The following BABAM2 variants were observed in gnomAD, a reference collection of about 807,000 sequenced individuals.
The protein encoded by BABAM2 is BRISC and BRCA1 A complex member 2.
In BABAM2, 31 loss-of-function variants were observed where a neutral mutation model predicts 54.7. The observed-to-expected ratio is 0.57, with a 90% CI of 0.43 to 0.77. The LOEUF is 0.77. Among genes scored for constraint, BABAM2 ranks in the 30% least tolerant of loss-of-function variants. BABAM2 has a pLI of 0.00. For synonymous variants in BABAM2, 167 were observed against 162.9 expected, an observed-to-expected ratio of 1.03 and a Z score of -0.19; for missense variants, 364 against 455.8, an observed-to-expected ratio of 0.80 and a Z score of 1.83.
intron 10 of BABAM2, among the ~76,000 whole-genome samples, chr2:28,260,395 G>A (rs1218617060): frequency 1.4e-5 from 2 of 144,522 alleles, no homozygotes; most frequent in Admixed American, 7.1e-5. Flanking sequence ...TCTGCCTCCC[G>A]GGTTCAGGTG....
At chr2:28,075,702 C>T (rs576762012) in intron 6 of BABAM2, among the ~76,000 whole-genome samples, 1 of 152,162 alleles carries the variant, frequency 6.6e-6, no homozygotes, top group African/African-American at 2.4e-5. Context: ...TGCTTAAATG[C>T]AGTATGCAGT....
rs1691678212 is a variant in BABAM2 at position 28,338,611 on chromosome 2, G to GGCA, written c.*101_*103dup. ...TGGAAGCCGCCTGGAATGTCTTCACGGCAGCGTTTTGCTCACACAGCAGCT... is the reference window on the plus strand; with the variant it reads ...TGGAAGCCGCCTGGAATGTCTTCACGGCAGCAGCGTTTTGCTCACACAGCAGCT... On this transcript the variant is annotated 3_prime_UTR_variant, in exon 12 of 12. Coordinates refer to ENST00000379624, the MANE Select transcript of BABAM2 (RefSeq NM_199191.3). 1 of 1,444,346 alleles carries GGCA rather than the reference G, an allele frequency of 6.9e-7. No homozygotes were observed. Among genetic ancestry groups the GGCA allele is most frequent in the Admixed American group, 1.7e-5 (1 of 58,880 alleles). 89.5% of individuals were successfully genotyped at this position (1,444,346 alleles called of 1,614,324 possible). A position where few individuals can be genotyped will look rare whatever the true frequency, so the allele number is the denominator to read the frequency against.
At chr2:27,924,735 AC>A (rs1196790288) in intron 2 of BABAM2, among the ~76,000 whole-genome samples, 1 of 152,158 alleles carries the variant, frequency 6.6e-6, no homozygotes, top group African/African-American at 2.4e-5. Flanking sequence ...CTCTTGTGCA[AC>A]TTGAATTTTC....
intron 10 of BABAM2, among the ~76,000 whole-genome samples, chr2:28,261,129 A>G (rs953221068): frequency 6.6e-6 from 1 of 151,598 alleles, no homozygotes; most frequent in African/African-American, 2.4e-5. Context: ...TTTAGTAGAG[A>G]CAGGGTTTCA....
chr2:27,995,845 G>T lies in BABAM2; in HGVS notation c.300+7758G>T, dbSNP rs762854616. Reference sequence around the variant, plus strand: ...TCTGCCCACCTCGGCCTCCCAAAGTGCTGGGATTACAGGCGTGAGCCACTG... The same window carrying T: ...TCTGCCCACCTCGGCCTCCCAAAGTTCTGGGATTACAGGCGTGAGCCACTG... On this transcript the variant is annotated intron_variant, in intron 4 of 11. Coordinates refer to ENST00000379624, the MANE Select transcript of BABAM2 (RefSeq NM_199191.3). This position sits in a 1 kb window ranked among gnomAD's most constrained non-coding sequence, Gnocchi z 4.1. 6.6e-6 allele frequency among the ~76,000 whole-genome samples: 1 copy of T among 152,134 alleles called. No homozygotes were observed. The highest frequency in any genetic ancestry group is 1.5e-5 in the Non-Finnish European group (1 of 68,022).
intron 7 of BABAM2, among the ~76,000 whole-genome samples, chr2:28,229,002 C>T (rs1681137147): frequency 6.6e-6 from 1 of 152,140 alleles, no homozygotes; most frequent in Non-Finnish European, 1.5e-5. Flanking sequence ...GCTTGCATTC[C>T]ACCTTCTTTC....
At chr2:28,063,178 CCTTTT>C (rs959737619) in intron 6 of BABAM2, among the ~76,000 whole-genome samples, 2 of 152,142 alleles carry the variant, frequency 1.3e-5, no homozygotes, top group African/African-American at 4.8e-5. Flanking sequence ...AAGGAAAAAT[CCTTTT>C]CTTTTCTGAG....
rs59851834 is a variant in BABAM2, at chr2:28,308,058, G to T, written c.1088+9567G>T. The T allele has an allele frequency of 7.7e-3, 1,455 of 188,668 alleles. 26 individuals carry two copies. Among genetic ancestry groups the T allele is most frequent in the African/African-American group, 0.032 (1,362 of 42,318 alleles). 11.7% of individuals were successfully genotyped at this position (188,668 alleles called of 1,614,324 possible). ...AGAAATTCTTAGTAGGCCTCATACA[G>T]ATTATAAAAACTGAGGCTCAGAGTG... On this transcript the variant is annotated intron_variant, in intron 11 of 11. Transcript: ENST00000379624.
intron 4 of BABAM2, among the ~76,000 whole-genome samples, chr2:28,023,262 T>A (rs1015005476): frequency 6.6e-6 from 1 of 152,188 alleles, no homozygotes. Flanking sequence ...TAAGGAGAAA[T>A]GACAGAATTT....
chr2:27,928,951 T>C (rs1667906744), intron 2 of BABAM2, among the ~76,000 whole-genome samples: 1 of 149,502 alleles, frequency 6.7e-6, no homozygotes. Flanking sequence ...CAGTGGCTCA[T>C]GCCTGTGATC....
chr2:28,080,921 G>A lies in BABAM2; in HGVS notation c.570+35122G>A, dbSNP rs549757797. ...GTTAGGAAAGTGTTGTGGTAATAAT[G>A]TGAGCACAATTGTCTAAGAACATTA... On this transcript the variant is annotated intron_variant, in intron 6 of 11. Transcript: ENST00000379624. 6.6e-5 allele frequency among the ~76,000 whole-genome samples: 10 copies of A among 152,230 alleles called. No individual in the cohort carries two copies. The South Asian group carries it at 2.1e-3, about 32-fold the overall frequency.
At chr2:28,186,232 T>C (rs940246177) in intron 7 of BABAM2, among the ~76,000 whole-genome samples, 3 of 152,200 alleles carry the variant, frequency 2.0e-5, no homozygotes, top group Non-Finnish European at 2.9e-5. Context: ...TTATGGGTAA[T>C]ACCAAAAATA....
At chr2:28,031,496 G>A (rs1474274593) in intron 5 of BABAM2, among the ~76,000 whole-genome samples, 1 of 152,130 alleles carries the variant, frequency 6.6e-6, no homozygotes, top group African/African-American at 2.4e-5. Context: ...ATGCACTTTA[G>A]TAGGGCTCAG....
chr2:27,932,597 A>G (rs1348415153), intron 3 of BABAM2, among the ~76,000 whole-genome samples: 2 of 152,238 alleles, frequency 1.3e-5, no homozygotes, highest in East Asian at 3.9e-4. Flanking sequence ...CTCTCCTCAA[A>G]TAGTTTGTTC....
At chr2:28,089,874 T>C (rs1361615040) in intron 6 of BABAM2, among the ~76,000 whole-genome samples, 1 of 110,180 alleles carries the variant, frequency 9.1e-6, no homozygotes, top group Non-Finnish European at 1.9e-5. Flanking sequence ...CCAGTTATCA[T>C]TGTTAAACTC....
chr2:28,209,459 GA>G (rs150231374), intron 7 of BABAM2, among the ~76,000 whole-genome samples: 9,187 of 152,216 alleles, frequency 0.06, 327 homozygotes, highest in Middle Eastern at 0.12. Context: ...GGTGTGGCCT[GA>G]GGAAAAAGGG....
intron 7 of BABAM2, among the ~76,000 whole-genome samples, chr2:28,215,167 CT>C (rs1445539625): frequency 6.6e-5 from 10 of 152,008 alleles, no homozygotes; most frequent in African/African-American, 2.4e-4. Flanking sequence ...AGTTTTTCTC[CT>C]TTCATAGTAA....
chr2:28,156,221 C>T (rs1018035266), intron 7 of BABAM2, among the ~76,000 whole-genome samples: 11 of 152,108 alleles, frequency 7.2e-5, no homozygotes, highest in African/African-American at 1.2e-4. Flanking sequence ...CAAGATTTGT[C>T]GCAAATGTCA....
At chr2:27,919,012 T>A (rs749639358) in intron 2 of BABAM2, among the ~76,000 whole-genome samples, 1 of 152,200 alleles carries the variant, frequency 6.6e-6, no homozygotes, top group Non-Finnish European at 1.5e-5. Context: ...TTTTAATCCA[T>A]GAACATGATA....
Sources: gnomAD v4.1 joint callset for allele counts (sites outside exome capture counted in the v4.1 genomes callset) on GRCh38, gnomAD v4.1.1 for gene constraint, Gnocchi (gnomAD v3.1) non-coding constraint, MANE v1.5 for transcripts, NCBI Gene and HGNC (gene_info 2026-07-23, HGNC 2026-07-21) for gene names.